Variants in CYP4F11 observed in about 807,000 individuals in gnomAD.
CYP4F11 encodes the protein cytochrome P450 family 4 subfamily F member 11, also known as cytochrome P450 4F11.
A neutral mutation model predicts 62.2 loss-of-function variants in CYP4F11; 79 were observed. That is an observed-to-expected ratio of 1.27 (90% confidence interval 1.06 to 1.53). The LOEUF is 1.53. Among genes scored for constraint, CYP4F11 ranks in the 40% most tolerant of loss-of-function variants. CYP4F11 has a pLI of 0.00. For synonymous variants in CYP4F11, 290 were observed against 263.7 expected (o/e 1.10, Z -0.97); for missense variants, 777 against 680.5 (o/e 1.14, Z -1.58).
At position 15,916,467 on chromosome 19, in the gene CYP4F11, C is replaced by T. The variant is rs185223821; in HGVS notation, c.1116-1572G>A. 3.4e-3 allele frequency among the ~76,000 whole-genome samples: 517 copies of T among 152,222 alleles called. 5 individuals carry two copies. The highest frequency in any genetic ancestry group is 0.012 in the African/African-American group (481 of 41,566). ...AAAAGCTTCTGCACAACCAAAGAAA[C>T]AATCAGCAGAGTAAACAGGCAACCC... On this transcript the variant is annotated intron_variant, in intron 8 of 11. Transcript: ENST00000402119.
intron 2 of CYP4F11, 37 bp from the exon 3 acceptor site, chr19:15,927,520 G>T: frequency 6.2e-7 from 1 of 1,612,196 alleles, no homozygotes; most frequent in Non-Finnish European, 8.5e-7. Flanking sequence ...CCATGGAGAG[G>T]GGTGAGAGAA....
At chr19:15,930,647 G>A (rs2089706034) in intron 1 of CYP4F11, among the ~76,000 whole-genome samples, 1 of 152,112 alleles carries the variant, frequency 6.6e-6, no homozygotes, top group Non-Finnish European at 1.5e-5. Context: ...AGAGGGAGAA[G>A]GCAAGCTGTC....
chr19:15,921,874 T>C (rs1375338095), intron 8 of CYP4F11, among the ~76,000 whole-genome samples, 163 bp downstream of exon 8: 1 of 152,010 alleles, frequency 6.6e-6, no homozygotes, highest in Admixed American at 6.6e-5. Context: ...CTGCAAACCA[T>C]CCCCTGCTGG....
chr19:15,923,689 C>T (rs770456230), intron 6 of CYP4F11, 123 bp downstream of exon 6: 51 of 1,350,194 alleles, frequency 3.8e-5, no homozygotes, highest in Non-Finnish European at 4.6e-5. Context: ...CTATCTCTGA[C>T]CTGTCTTTTT....
intron 8 of CYP4F11, among the ~76,000 whole-genome samples, chr19:15,916,882 A>C (rs560855058): frequency 3.9e-5 from 6 of 152,156 alleles, no homozygotes; most frequent in Admixed American, 1.3e-4. Flanking sequence ...TAGAGAACTA[A>C]ACGTAGATCT....
At chr19:15,929,184 C>T (rs1005864671) in intron 2 of CYP4F11, among the ~76,000 whole-genome samples, 1 of 152,204 alleles carries the variant, frequency 6.6e-6, no homozygotes, top group Non-Finnish European at 1.5e-5. Flanking sequence ...TTTCCTCAAG[C>T]ACGGGGCTTT....
intron 8 of CYP4F11, among the ~76,000 whole-genome samples, chr19:15,919,158 A>G (rs1448463986): frequency 2.0e-5 from 3 of 148,268 alleles, no homozygotes; most frequent in African/African-American, 4.9e-5. Context: ...TATAGTATAT[A>G]TGGAAATATA....
intron 8 of CYP4F11, among the ~76,000 whole-genome samples, 154 bp from the exon 9 acceptor site, chr19:15,915,049 A>G (rs1281743546): frequency 1.3e-5 from 2 of 152,226 alleles, no homozygotes; most frequent in East Asian, 1.9e-4. Flanking sequence ...AAAAATTAGA[A>G]AAGCAGAAAA....
intron 8 of CYP4F11, among the ~76,000 whole-genome samples, chr19:15,917,912 T>G (rs887230087): frequency 2.0e-5 from 3 of 152,158 alleles, no homozygotes; most frequent in African/African-American, 7.2e-5. Context: ...GAAATACCAT[T>G]TGACCCAGAA....
rs1182744572 is a variant in CYP4F11 at position 15,913,009 on chromosome 19, G to A, written c.*723C>T. The A allele has an allele frequency of 2.6e-5, 4 of 151,754 alleles. No individual in the cohort carries two copies. Among genetic ancestry groups the A allele is most frequent in the African/African-American group, 9.7e-5 (4 of 41,208 alleles). The allele number at this position is 151,754 out of a possible 1,614,324, so 9.4% of individuals were successfully genotyped here. A position where few individuals can be genotyped will look rare whatever the true frequency, so the allele number is the denominator to read the frequency against. Reference sequence around the variant, plus strand: ...TATATTTAGCATTCATTGTGTGCCAGGCACAGCTCTGAGTCCCTTATATTG... The same window carrying A: ...TATATTTAGCATTCATTGTGTGCCAAGCACAGCTCTGAGTCCCTTATATTG... On this transcript the variant is annotated 3_prime_UTR_variant, in exon 12 of 12. Coordinates refer to ENST00000402119, the MANE Select transcript of CYP4F11 (RefSeq NM_021187.4).
intron 8 of CYP4F11, among the ~76,000 whole-genome samples, chr19:15,918,781 G>A (rs2089600761): frequency 6.6e-6 from 1 of 152,134 alleles, no homozygotes; most frequent in South Asian, 2.1e-4. Flanking sequence ...GAGGAAACAG[G>A]TCACTAGCTG....
Position 15,912,757 on chromosome 19 carries a change from G to GTATGTATATA in CYP4F11, c.*974_*975insTATATACATA, listed in dbSNP as rs1436794681. The GTATGTATATA allele has an allele frequency of 7.1e-5, 3 of 42,012 alleles. No homozygotes were observed. Among genetic ancestry groups the GTATGTATATA allele is most frequent in the African/African-American group, 3.6e-4 (3 of 8,352 alleles). The allele number at this position is 42,012 out of a possible 1,614,324, so 2.6% of individuals were successfully genotyped here. ...TGTATATGTATATATGTGTGTGTGT[G>GTATGTATATA]TGTGTGTGTGTGTGTATATATATAT... On this transcript the variant is annotated 3_prime_UTR_variant, in exon 12 of 12. Transcript: ENST00000402119.
intron 1 of CYP4F11, among the ~76,000 whole-genome samples, chr19:15,930,035 G>A (rs62104909): frequency 5.5e-5 from 8 of 145,172 alleles, no homozygotes; most frequent in East Asian, 2.0e-4. Context: ...TCCAATTTCC[G>A]TAATAAACTC....
At chr19:15,930,816 C>T (rs963276350) in intron 1 of CYP4F11, among the ~76,000 whole-genome samples, 2 of 152,110 alleles carry the variant, frequency 1.3e-5, no homozygotes, top group Admixed American at 6.5e-5. Flanking sequence ...TGGCTGGTCC[C>T]CACCAGCGGC....
At position 15,914,492 on chromosome 19, in the gene CYP4F11, G is replaced by A. The variant is rs913541770; in HGVS notation, c.1315-105C>T. On this transcript the variant is annotated intron_variant, in intron 10 of 11. Transcript: ENST00000402119. ...GCCTTGGAGAGACATTTTGGCAGAT[G>A]TGTCTCCATTGAGGAGAGGTGATGT... 4 of 1,544,318 alleles carry A rather than the reference G, an allele frequency of 2.6e-6. 1 individual carries two copies. The African/African-American group carries it at 4.1e-5, about 16-fold the overall frequency.
chr19:15,913,614 T>G lies in CYP4F11; in HGVS notation c.*118A>C. 1.5e-6 allele frequency: 2 copies of G among 1,340,386 alleles called. No homozygotes were observed. The highest frequency in any genetic ancestry group is 2.1e-6 in the Non-Finnish European group (2 of 970,960). The allele number at this position is 1,340,386 out of a possible 1,614,324, so 83.0% of individuals were successfully genotyped here. On this transcript the variant is annotated 3_prime_UTR_variant, in exon 12 of 12. Transcript: ENST00000402119. ...CCTGCCTCCACCCACTCACCTCCCTTTCTTAGATCCCACCAGTCCCCAGGA... is the reference window on the plus strand; with the variant it reads ...CCTGCCTCCACCCACTCACCTCCCTGTCTTAGATCCCACCAGTCCCCAGGA...
Position 15,913,630 on chromosome 19 carries a change from G to A in CYP4F11, c.*102C>T. ...CACCTCCCTTTCTTAGATCCCACCAGTCCCCAGGAGCCCCATGCTGGCTGT... is the reference window on the plus strand; with the variant it reads ...CACCTCCCTTTCTTAGATCCCACCAATCCCCAGGAGCCCCATGCTGGCTGT... On this transcript the variant is annotated 3_prime_UTR_variant, in exon 12 of 12. Coordinates refer to ENST00000402119, the MANE Select transcript of CYP4F11 (RefSeq NM_021187.4). 1 of 1,456,640 alleles carries A rather than the reference G, an allele frequency of 6.9e-7. No individual in the cohort carries two copies. The highest frequency in any genetic ancestry group is 1.9e-5 in the Admixed American group (1 of 52,072). The allele number at this position is 1,456,640 out of a possible 1,614,324, so 90.2% of individuals were successfully genotyped here.
At chr19:15,918,407 C>A (rs1403157615) in intron 8 of CYP4F11, among the ~76,000 whole-genome samples, 1 of 151,960 alleles carries the variant, frequency 6.6e-6, no homozygotes, top group African/African-American at 2.4e-5. Context: ...CCTATGTAAC[C>A]AACCTGCATA....
chr19:15,925,032 G>T, intron 4 of CYP4F11, 150 bp from the exon 5 acceptor site: 2 of 861,240 alleles, frequency 2.3e-6, no homozygotes, highest in African/African-American at 1.7e-5. Context: ...TTGGATAGGA[G>T]CAGAAACTGT....
Sources: gnomAD v4.1 joint callset for allele counts (sites outside exome capture counted in the v4.1 genomes callset) on GRCh38, gnomAD v4.1.1 for gene constraint, MANE v1.5 for transcripts, NCBI Gene and HGNC (gene_info 2026-07-23, HGNC 2026-07-21) for gene names.